COBL: variants seen among roughly 807,000 people sequenced by gnomAD.
COBL encodes the protein cordon-bleu WH2 repeat protein.
In COBL, 51 loss-of-function variants were observed where a neutral mutation model predicts 98.8. That is an observed-to-expected ratio of 0.52 (90% CI 0.41 to 0.65). COBL has a LOEUF of 0.65. COBL is among the 30% of genes least tolerant of loss of function. The pLI is 0.00. For missense variants in COBL, 1,617 were observed against 1,617.5 expected, an observed-to-expected ratio of 1.00 and a Z score of 0.01; for synonymous variants, 634 against 651.7, an observed-to-expected ratio of 0.97 and a Z score of 0.41.
intron 7 of COBL, among the ~76,000 whole-genome samples, chr7:51,059,131 C>A (rs945132434): frequency 4.6e-5 from 7 of 152,226 alleles, no homozygotes; most frequent in Non-Finnish European, 1.0e-4. Context: ...ACCTGTGACC[C>A]TGAACTGGAA....
intron 1 of COBL, among the ~76,000 whole-genome samples, chr7:51,264,672 CAAAA>C (rs5884201): frequency 1.4e-4 from 7 of 48,384 alleles, no homozygotes; most frequent in Admixed American, 3.1e-4. Context: ...CTCCATCTCC[CAAAA>C]AAAAAAAAAA....
intron 6 of COBL, among the ~76,000 whole-genome samples, chr7:51,114,015 C>T (rs908495114): frequency 3.9e-5 from 6 of 152,204 alleles, no homozygotes; most frequent in Non-Finnish European, 5.9e-5. Flanking sequence ...CCTCTCAGTA[C>T]TGACAATTAG....
chr7:51,208,451 C>G (rs1203366820), intron 2 of COBL, among the ~76,000 whole-genome samples: 1 of 146,954 alleles, frequency 6.8e-6, no homozygotes, highest in Admixed American at 6.8e-5. Flanking sequence ...GGGGTCAGCC[C>G]CCCGCCCGGC....
intron 7 of COBL, among the ~76,000 whole-genome samples, chr7:51,084,597 T>C (rs1290185937): frequency 6.6e-6 from 1 of 152,150 alleles, no homozygotes; most frequent in African/African-American, 2.4e-5. Flanking sequence ...GATGATCTAA[T>C]AGGTCTCTTT....
intron 1 of COBL, among the ~76,000 whole-genome samples, chr7:51,240,600 G>A (rs1190816633): frequency 6.6e-6 from 1 of 152,050 alleles, no homozygotes; most frequent in Non-Finnish European, 1.5e-5. Context: ...AGGCTGGAGT[G>A]CACTGGCGCG....
intron 6 of COBL, among the ~76,000 whole-genome samples, chr7:51,099,772 A>G (rs1795650885): frequency 6.6e-6 from 1 of 152,220 alleles, no homozygotes; most frequent in East Asian, 1.9e-4. Flanking sequence ...TTAATAATAA[A>G]GAGTCCTTGT....
At chr7:51,180,549 G>A (rs1247192020) in intron 5 of COBL, among the ~76,000 whole-genome samples, 1 of 152,148 alleles carries the variant, frequency 6.6e-6, no homozygotes, top group Non-Finnish European at 1.5e-5. Flanking sequence ...TCTTATTGCT[G>A]CATCTTATGC....
intron 1 of COBL, among the ~76,000 whole-genome samples, chr7:51,306,161 A>T (rs1038595294): frequency 2.0e-5 from 3 of 152,128 alleles, no homozygotes; most frequent in Non-Finnish European, 4.4e-5. Context: ...GACACTAGGC[A>T]CCATGAACCT....
At chr7:51,149,080 G>C (rs184081406) in intron 5 of COBL, among the ~76,000 whole-genome samples, 1 of 152,102 alleles carries the variant, frequency 6.6e-6, no homozygotes, top group African/African-American at 2.4e-5. Flanking sequence ...AAGCCCGAAG[G>C]GGCATTTATC....
intron 1 of COBL, among the ~76,000 whole-genome samples, chr7:51,275,096 G>C (rs6978750): frequency 0.31 from 47,868 of 152,092 alleles, 9,250 homozygotes; most frequent in Non-Finnish European, 0.43. Context: ...AAGAGGACGG[G>C]AGAGGCTCAG....
intron 1 of COBL, among the ~76,000 whole-genome samples, chr7:51,290,983 T>G (rs1003024392): frequency 1.3e-5 from 2 of 152,202 alleles, no homozygotes; most frequent in Non-Finnish European, 2.9e-5. Flanking sequence ...ACGTCTTCTT[T>G]AGGTCTCCAG....
chr7:51,192,952 T>C (rs1790251917), intron 3 of COBL, among the ~76,000 whole-genome samples: 1 of 152,148 alleles, frequency 6.6e-6, no homozygotes, highest in Admixed American at 6.5e-5. Flanking sequence ...ATTTCAAGTG[T>C]TCAAAAGCTG....
At chr7:51,168,781 A>T (rs557790144) in intron 5 of COBL, among the ~76,000 whole-genome samples, 1 of 152,336 alleles carries the variant, frequency 6.6e-6, no homozygotes, top group Non-Finnish European at 1.5e-5. Flanking sequence ...TACCCAAAAG[A>T]AAGGAAATTA....
intron 7 of COBL, chr7:51,073,428 C>G (rs944275425): frequency 3.1e-6 from 2 of 647,570 alleles, no homozygotes; most frequent in Admixed American, 4.5e-5. Context: ...CGCACACTTG[C>G]GGTGAAATAA....
At chr7:51,236,826 A>C (rs1795301315) in intron 1 of COBL, among the ~76,000 whole-genome samples, 1 of 152,204 alleles carries the variant, frequency 6.6e-6, no homozygotes, top group South Asian at 2.1e-4. Flanking sequence ...TCTGCGATGA[A>C]TGCAGCAGGG....
intron 8 of COBL, among the ~76,000 whole-genome samples, chr7:51,039,649 T>C (rs1360074854): frequency 2.0e-5 from 3 of 152,256 alleles, no homozygotes; most frequent in African/African-American, 7.2e-5. Context: ...AATACTTCAG[T>C]AGCGACAAGT....
intron 6 of COBL, among the ~76,000 whole-genome samples, chr7:51,088,725 A>G (rs1794521129): frequency 1.3e-5 from 2 of 152,164 alleles, no homozygotes; most frequent in South Asian, 4.1e-4. Context: ...TGGGATTCCC[A>G]GTGGGGATCT....
intron 6 of COBL, among the ~76,000 whole-genome samples, chr7:51,121,062 A>T (rs1382952537): frequency 6.6e-6 from 1 of 151,938 alleles, no homozygotes; most frequent in Non-Finnish European, 1.5e-5. Flanking sequence ...TCCTATGGGG[A>T]ATTCTATTTT....
chr7:51,302,070 TGTC>T (rs1396483131), intron 1 of COBL, among the ~76,000 whole-genome samples: 2 of 152,176 alleles, frequency 1.3e-5, no homozygotes, highest in Non-Finnish European at 2.9e-5. Flanking sequence ...CCGAGCTGCA[TGTC>T]TCCACAGCCT....
Sources: gnomAD v4.1 joint callset for allele counts (sites outside exome capture counted in the v4.1 genomes callset) on GRCh38, gnomAD v4.1.1 for gene constraint, MANE v1.5 for transcripts, NCBI Gene and HGNC (gene_info 2026-07-23, HGNC 2026-07-21) for gene names.